The following MCC variants were observed in gnomAD, a reference collection of about 807,000 sequenced individuals.
MCC encodes colorectal mutant cancer protein.
MCC carries 90 observed loss-of-function variants against 116.2 expected under a neutral mutation model. That is an observed-to-expected ratio of 0.77 (90% CI 0.65 to 0.92). The LOEUF (loss-of-function observed/expected upper bound fraction) is 0.92, where lower values mean the gene tolerates loss of function less well. Among genes scored for constraint, MCC ranks in the 40% least tolerant of loss-of-function variants. The probability of loss-of-function intolerance (pLI) is 0.00; values close to 1 mark genes in which losing one functional copy is unlikely to be tolerated. For synonymous variants in MCC, 578 were observed against 510.5 expected (o/e 1.13, Z -1.78); for missense variants, 1,516 against 1,312.2 (o/e 1.16, Z -2.40).
intron 15 of MCC, among the ~76,000 whole-genome samples, chr5:113,050,102 C>A (rs546618554): frequency 6.6e-6 from 1 of 152,208 alleles, no homozygotes; most frequent in African/African-American, 2.4e-5. Flanking sequence ...ATCTTCCCAA[C>A]CTGGGTTAGG....
intron 8 of MCC, among the ~76,000 whole-genome samples, chr5:113,097,917 G>A (rs535584902): frequency 6.6e-6 from 1 of 152,322 alleles, no homozygotes; most frequent in East Asian, 1.9e-4. Flanking sequence ...CAGGATGAGA[G>A]AGGCCCAGGA....
intron 6 of MCC, among the ~76,000 whole-genome samples, chr5:113,107,649 T>C (rs1756826472): frequency 1.3e-5 from 2 of 152,200 alleles, no homozygotes; most frequent in African/African-American, 2.4e-5. Flanking sequence ...GGTCTCCTGG[T>C]ATCCAGAGCT....
At chr5:113,274,528 T>G (rs1443852453) in intron 3 of MCC, among the ~76,000 whole-genome samples, 3 of 152,014 alleles carry the variant, frequency 2.0e-5, no homozygotes, top group Non-Finnish European at 4.4e-5. Flanking sequence ...CCCGGCTAAT[T>G]TTTGTATTTT....
At chr5:113,367,603 T>A (rs187862987) in intron 2 of MCC, among the ~76,000 whole-genome samples, 60 of 107,116 alleles carry the variant, frequency 5.6e-4, no homozygotes, top group Non-Finnish European at 8.7e-4. Context: ...TTAAAACTTA[T>A]GCTTGGGCAT....
chr5:113,300,052 C>T (rs1482857027), intron 3 of MCC, among the ~76,000 whole-genome samples: 1 of 152,182 alleles, frequency 6.6e-6, no homozygotes, highest in Non-Finnish European at 1.5e-5. Context: ...ACTGGCATCA[C>T]CTTTCTGCTG....
intron 3 of MCC, among the ~76,000 whole-genome samples, chr5:113,162,500 CT>C (rs902966658): frequency 1.1e-4 from 17 of 149,358 alleles, no homozygotes; most frequent in South Asian, 2.1e-4. Context: ...TTGCAATCTT[CT>C]TTTTTTTTTC....
At chr5:113,449,990 A>C (rs1771341563) in intron 1 of MCC, among the ~76,000 whole-genome samples, 1 of 152,228 alleles carries the variant, frequency 6.6e-6, no homozygotes, top group African/African-American at 2.4e-5. Flanking sequence ...ACATGAAATT[A>C]TATACAGTTT....
At position 113,120,898 on chromosome 5, in the gene MCC, C is replaced by T. The variant is rs570527821; in HGVS notation, c.1027+1786G>A. The stretch of plus-strand genomic sequence containing the variant: ...GCACCTCCGCTCAAATACTTCAAGA[C>T]ACTATAAACCCATGGGCAAACAAAA... On this transcript the variant is annotated intron_variant, in intron 6 of 18. Transcript: ENST00000408903. 2.1e-4 allele frequency among the ~76,000 whole-genome samples: 32 copies of T among 152,306 alleles called. 1 individual carries two copies. Among genetic ancestry groups the T allele is most frequent in the Admixed American group, 2.6e-4 (4 of 15,304 alleles).
intron 10 of MCC, 54 bp downstream of exon 10, chr5:113,084,047 T>G (rs987246083): frequency 7.3e-5 from 101 of 1,375,076 alleles, no homozygotes; most frequent in Non-Finnish European, 8.8e-5. Flanking sequence ...TATAATCCAT[T>G]GTCTGTGTAG....
intron 3 of MCC, among the ~76,000 whole-genome samples, chr5:113,317,624 C>T (rs571155909): frequency 1.3e-5 from 2 of 152,008 alleles, no homozygotes; most frequent in Non-Finnish European, 2.9e-5. Flanking sequence ...ATGTATGACA[C>T]GGATATTCCT....
chr5:113,166,819 A>G (rs556850884), intron 3 of MCC, among the ~76,000 whole-genome samples: 90 of 152,224 alleles, frequency 5.9e-4, no homozygotes, highest in African/African-American at 2.2e-3. Context: ...TAAGGAGAAC[A>G]GAGGCAAATT....
rs1753207552 is a variant in MCC at position 113,061,399 on chromosome 5, A to C, written c.2213+2585T>G. On this transcript the variant is annotated intron_variant, in intron 14 of 18. Coordinates refer to ENST00000408903, the MANE Select transcript of MCC (RefSeq NM_001085377.2). ...CTGCCACAGAGGGTGGGCTTGACCA[A>C]GGATTCCTATTTCCACTTCCTAACA... is the stretch of plus-strand genomic sequence containing the variant. 2.6e-5 allele frequency among the ~76,000 whole-genome samples: 4 copies of C among 152,332 alleles called. No homozygotes were observed. In the South Asian group the frequency reaches 8.3e-4, roughly 32 times the overall value.
At chr5:113,097,580 T>C (rs1322314894) in intron 8 of MCC, among the ~76,000 whole-genome samples, 2 of 152,204 alleles carry the variant, frequency 1.3e-5, no homozygotes, top group East Asian at 1.9e-4. Flanking sequence ...ATTTTCTCTA[T>C]ATAGCCCTGT....
chr5:113,107,489 T>G (rs1756815926), intron 6 of MCC, among the ~76,000 whole-genome samples: 2 of 152,066 alleles, frequency 1.3e-5, no homozygotes, highest in African/African-American at 4.8e-5. Flanking sequence ...CGACCTGAGC[T>G]GCTAAGAACT....
At chr5:113,227,463 T>C (rs1006000057) in intron 3 of MCC, among the ~76,000 whole-genome samples, 1 of 152,220 alleles carries the variant, frequency 6.6e-6, no homozygotes, top group African/African-American at 2.4e-5. Flanking sequence ...ACTCGAATTA[T>C]TTACATGGTG....
chr5:113,358,427 T>C (rs1431992481), intron 2 of MCC, among the ~76,000 whole-genome samples: 1 of 152,210 alleles, frequency 6.6e-6, no homozygotes, highest in Non-Finnish European at 1.5e-5. Context: ...TTTCTACCTT[T>C]AGCTTCTTTT....
At chr5:113,174,471 AAC>A (rs1016208872) in intron 3 of MCC, among the ~76,000 whole-genome samples, 1 of 152,198 alleles carries the variant, frequency 6.6e-6, no homozygotes, top group Non-Finnish European at 1.5e-5. Flanking sequence ...AAACTAAACG[AAC>A]ACATTAATGC....
intron 16 of MCC, among the ~76,000 whole-genome samples, chr5:113,046,936 C>G (rs1050300493): frequency 1.3e-5 from 2 of 152,076 alleles, no homozygotes; most frequent in African/African-American, 2.4e-5. Context: ...CATGATTCCG[C>G]ACGGCCCTCA....
intron 8 of MCC, among the ~76,000 whole-genome samples, chr5:113,100,535 G>A (rs1308919576): frequency 7.0e-6 from 1 of 142,162 alleles, no homozygotes; most frequent in African/African-American, 2.6e-5. Flanking sequence ...GCAGTGGTGC[G>A]ATCTTGGCCC....
Sources: allele counts gnomAD v4.1 joint callset (sites outside exome capture counted in the v4.1 genomes callset), GRCh38; gene constraint gnomAD v4.1.1; transcripts MANE v1.5; gene names NCBI Gene and HGNC (gene_info 2026-07-23, HGNC 2026-07-21).